The following DOCK10 variants were observed in gnomAD, a reference collection of about 807,000 sequenced individuals.
DOCK10 encodes the protein dedicator of cytokinesis protein 10.
DOCK10 carries 145 observed loss-of-function variants against 280.1 expected under a neutral mutation model. The observed-to-expected ratio is 0.52, with a 90% CI of 0.45 to 0.59. DOCK10 has a LOEUF of 0.59. Among genes scored for constraint, DOCK10 ranks in the 20% least tolerant of loss-of-function variants. The probability of loss-of-function intolerance (pLI) is 0.00; values close to 1 mark genes in which losing one functional copy is unlikely to be tolerated. For missense variants in DOCK10, 2,368 were observed against 2,651.7 expected (o/e 0.89, Z 2.35); for synonymous variants, 915 against 942.2 (o/e 0.97, Z 0.53).
At chr2:224,840,277 T>G (rs1695879039) in intron 23 of DOCK10, 1 of 447,314 alleles carries the variant, frequency 2.2e-6, no homozygotes, top group Admixed American at 3.6e-5. Flanking sequence ...ACTAAAAGGT[T>G]TCAGCACAGC....
chr2:224,808,103 A>C lies in DOCK10; in HGVS notation c.3410-17T>G. ...CAGGCATATCTTTGTGAGGAAGGAA[A>C]ATAACTCATGTTATTGAAAATCAAA... On this transcript the variant is annotated splice_polypyrimidine_tract_variant and intron_variant, in intron 31 of 55. Transcript: ENST00000258390. 2 of 1,601,818 alleles carry C rather than the reference A, an allele frequency of 1.2e-6. No individual in the cohort carries two copies. The highest frequency in any genetic ancestry group is 1.7e-6 in the Non-Finnish European group (2 of 1,171,882).
chr2:224,884,541 C>T (rs973032312), intron 7 of DOCK10, among the ~76,000 whole-genome samples: 9 of 152,192 alleles, frequency 5.9e-5, no homozygotes, highest in African/African-American at 1.7e-4. Context: ...TAGGAAGCAG[C>T]GATTCGAAAG....
rs555119917 is a variant in DOCK10, at chr2:224,793,204, G to C, written c.5213-132C>G. ...GAAGTTGACCATCCAGTTAGCCTTT[G>C]CTGTACATAGAATAAATAAGTCAAT... On this transcript the variant is annotated intron_variant, in intron 46 of 55. Coordinates refer to ENST00000258390, the MANE Select transcript of DOCK10 (RefSeq NM_014689.3). The C allele has an allele frequency of 9.6e-6, 8 of 832,298 alleles. No homozygotes were observed. In the East Asian group the frequency reaches 2.0e-4, roughly 21 times the overall value. 51.6% of individuals were successfully genotyped at this position (832,298 alleles called of 1,614,324 possible). A position where few individuals can be genotyped will look rare whatever the true frequency, so the allele number is the denominator to read the frequency against.
intron 13 of DOCK10, among the ~76,000 whole-genome samples, chr2:224,863,186 C>T (rs1697640238): frequency 6.6e-6 from 1 of 152,142 alleles, no homozygotes; most frequent in African/African-American, 2.4e-5. Context: ...CACAAGTTTT[C>T]AACTCTGTTT....
intron 1 of DOCK10, among the ~76,000 whole-genome samples, chr2:225,010,278 C>T (rs186867297): frequency 2.0e-5 from 3 of 152,202 alleles, no homozygotes; most frequent in Non-Finnish European, 4.4e-5. Flanking sequence ...ATTAGTGTCT[C>T]ATGGGCCAAA....
At chr2:225,009,277 C>T (rs899426026) in intron 1 of DOCK10, among the ~76,000 whole-genome samples, 2 of 152,070 alleles carry the variant, frequency 1.3e-5, no homozygotes, top group Non-Finnish European at 2.9e-5. Context: ...ATTCTACCTA[C>T]CAAGAAAATC....
At position 224,795,240 on chromosome 2, in the gene DOCK10, T is replaced by C. The variant is rs541104092; in HGVS notation, c.4939-146A>G. ...AATGAGTGCATTCTATATATGTGCA[T>C]TCTATGTTTTGTGACTGTGGATACA... is the stretch of plus-strand genomic sequence containing the variant. On this transcript the variant is annotated intron_variant, in intron 44 of 55. Transcript: ENST00000258390. 1.0e-3 allele frequency: 682 copies of C among 669,466 alleles called. 3 individuals are homozygous for C. The Middle Eastern group carries it at 0.012, about 12-fold the overall frequency. The allele number at this position is 669,466 out of a possible 1,614,324, so 41.5% of individuals were successfully genotyped here. A position where few individuals can be genotyped will look rare whatever the true frequency, so the allele number is the denominator to read the frequency against.
At chr2:224,960,392 C>T (rs1448215245) in intron 1 of DOCK10, among the ~76,000 whole-genome samples, 1 of 152,132 alleles carries the variant, frequency 6.6e-6, no homozygotes, top group African/African-American at 2.4e-5. Flanking sequence ...AGACATTGTG[C>T]TAAGTATTCA....
chr2:224,815,419 T>C (rs1559475347), intron 30 of DOCK10, among the ~76,000 whole-genome samples: 1 of 152,154 alleles, frequency 6.6e-6, no homozygotes, highest in Non-Finnish European at 1.5e-5. Context: ...TTTGGTCCTC[T>C]TGAATATCTC....
chr2:224,857,017 A>T (rs375034808), intron 14 of DOCK10, 35 bp from the exon 15 acceptor site: 2 of 1,540,264 alleles, frequency 1.3e-6, no homozygotes, highest in Non-Finnish European at 1.8e-6. Context: ...TGGTAGTTGG[A>T]TATTGTTTAT....
chr2:224,773,429 T>G, intron 52 of DOCK10, 82 bp from the exon 53 acceptor site: 1 of 1,303,230 alleles, frequency 7.7e-7, no homozygotes, highest in Non-Finnish European at 1.1e-6. Flanking sequence ...CAGAGGATCA[T>G]GTATCATTTC....
intron 16 of DOCK10, 53 bp downstream of exon 16, chr2:224,854,910 T>C (rs1048548650): frequency 7.1e-7 from 1 of 1,418,136 alleles, no homozygotes; most frequent in Non-Finnish European, 9.7e-7. Flanking sequence ...ACAAACCCAC[T>C]AAATATTCAA....
intron 15 of DOCK10, among the ~76,000 whole-genome samples, chr2:224,855,868 T>A (rs1697097692): frequency 1.3e-5 from 2 of 152,202 alleles, no homozygotes; most frequent in South Asian, 4.1e-4. Flanking sequence ...TTAAGTTACA[T>A]AAACTTACCA....
intron 3 of DOCK10, among the ~76,000 whole-genome samples, chr2:224,911,119 G>A (rs113664072): frequency 0.014 from 2,204 of 152,202 alleles, 53 homozygotes; most frequent in African/African-American, 0.05. Context: ...AGGGCGAAAG[G>A]CACTCTACTT....
chr2:224,816,521 G>T, intron 30 of DOCK10, 96 bp downstream of exon 30: 1 of 798,514 alleles, frequency 1.3e-6, no homozygotes, highest in Non-Finnish European at 2.1e-6. Flanking sequence ...AATTATGACT[G>T]AAGAAACAGG....
At chr2:224,958,801 A>C (rs1290446976) in intron 1 of DOCK10, among the ~76,000 whole-genome samples, 1 of 152,224 alleles carries the variant, frequency 6.6e-6, no homozygotes, top group Non-Finnish European at 1.5e-5. Context: ...CATGTGGCAA[A>C]TACCAACATT....
intron 26 of DOCK10, among the ~76,000 whole-genome samples, chr2:224,831,186 C>T (rs1275155603): frequency 6.6e-6 from 1 of 152,240 alleles, no homozygotes; most frequent in East Asian, 1.9e-4. Context: ...CCTCCCGCCT[C>T]AGCCTCCCAA....
chr2:224,790,581 A>G (rs1430289729), intron 47 of DOCK10, among the ~76,000 whole-genome samples: 2 of 152,176 alleles, frequency 1.3e-5, no homozygotes, highest in African/African-American at 4.8e-5. Context: ...TATAAATATA[A>G]TAATTATTGC....
chr2:224,999,558 C>A (rs1706370294), intron 1 of DOCK10, among the ~76,000 whole-genome samples: 1 of 151,446 alleles, frequency 6.6e-6, no homozygotes, highest in South Asian at 2.1e-4. Flanking sequence ...TTACTGACTG[C>A]TAGTCTGTGC....
Sources: allele counts gnomAD v4.1 joint callset (sites outside exome capture counted in the v4.1 genomes callset), GRCh38; gene constraint gnomAD v4.1.1; transcripts MANE v1.5; gene names NCBI Gene and HGNC (gene_info 2026-07-23, HGNC 2026-07-21).